CENPE: variants seen among roughly 807,000 people sequenced by gnomAD.
The protein encoded by CENPE is centromere protein E.
Under a neutral mutation model 336.1 loss-of-function variants are expected in CENPE, and 145 were observed. The ratio of observed to expected loss-of-function variants is 0.43; its 90% CI spans 0.38 to 0.50. The LOEUF (loss-of-function observed/expected upper bound fraction) is 0.50. Among genes scored for constraint, CENPE ranks in the 20% least tolerant of loss-of-function variants. The pLI is 0.00. For missense variants in CENPE, 2,719 were observed against 3,023.3 expected (o/e 0.90, Z 2.36); for synonymous variants, 1,013 against 984.8 (o/e 1.03, Z -0.54).
chr4:103,158,966 CA>C, intron 22 of CENPE, 43 bp downstream of exon 22: 1 of 1,534,716 alleles, frequency 6.5e-7, no homozygotes, highest in Non-Finnish European at 8.7e-7. Context: ...ACCAAAACCC[CA>C]GAAGACTAAG....
In CENPE at chr4:103,116,600, T is replaced by C; in HGVS notation, c.7419A>G (p.Lys2473=). Residue 2473 remains lysine, a synonymous_variant, in exon 45 of 49, where the codon AAA becomes AAG. Transcript: ENST00000265148. ...ACTCCTTTTCAAATTCTTTGGCATT[T>C]TTCATTTTCTCTAGGTCTATTTTCA... ...KLVKIDLEKM[K]NAKEFEKEIS... is the part of the protein sequence containing the mutation. 2.6e-6 allele frequency: 4 copies of C among 1,565,694 alleles called. No individual in the cohort carries two copies. Among genetic ancestry groups the C allele is most frequent in the Non-Finnish European group, 3.5e-6 (4 of 1,154,268 alleles).
In CENPE at chr4:103,196,826, G is replaced by A; in HGVS notation, c.81C>T (p.Ala27=). 1 of 1,587,748 alleles carries A rather than the reference G, an allele frequency of 6.3e-7. No individual in the cohort carries two copies. Among genetic ancestry groups the A allele is most frequent in the East Asian group, 2.2e-5 (1 of 44,686 alleles). The change falls in exon 2 of 49, where the codon GCC becomes GCT. Residue 27 remains alanine (A), a synonymous_variant. Transcript: ENST00000265148. ...TATTGTCAGTTTTCCAGTAAACTTG[G>A]GCAGTTTCTCCAAGTGATTCTTCTC... ...NSREESLGET[A]QVYWKTDNNV... is the part of the protein sequence containing the mutation.
chr4:103,114,941 G>A (rs1057298382), intron 45 of CENPE, among the ~76,000 whole-genome samples: 9 of 152,140 alleles, frequency 5.9e-5, no homozygotes, highest in Non-Finnish European at 8.8e-5. Context: ...GTATGGTCAG[G>A]AAAGCAAACC....
intron 44 of CENPE, among the ~76,000 whole-genome samples, chr4:103,118,151 C>T (rs1335205483): frequency 3.9e-5 from 6 of 152,260 alleles, no homozygotes; most frequent in African/African-American, 1.4e-4. Context: ...AACTGCGAAA[C>T]CATCTTCCAA....
intron 9 of CENPE, 69 bp downstream of exon 9, chr4:103,185,741 T>C: frequency 1.1e-6 from 1 of 939,470 alleles, no homozygotes; most frequent in Non-Finnish European, 1.6e-6. Flanking sequence ...TAAAAATGCC[T>C]GGTAGTACTT....
At chr4:103,188,254 A>G (rs894756621) in intron 8 of CENPE, among the ~76,000 whole-genome samples, 1 of 152,222 alleles carries the variant, frequency 6.6e-6, no homozygotes, top group Non-Finnish European at 1.5e-5. Flanking sequence ...AAAGTTAACA[A>G]AGATATCCAG....
At chr4:103,181,313 A>G in intron 12 of CENPE, 24 bp downstream of exon 12, 1 of 1,446,774 alleles carries the variant, frequency 6.9e-7, no homozygotes. Context: ...TTTCAATTTA[A>G]TGAAATAAAT....
chr4:103,115,858 GT>G (rs986205757), intron 45 of CENPE, among the ~76,000 whole-genome samples: 1 of 151,434 alleles, frequency 6.6e-6, no homozygotes, highest in Non-Finnish European at 1.5e-5. Flanking sequence ...AGCCTCCCAA[GT>G]AGCTGGGACT....
intron 39 of CENPE, 84 bp downstream of exon 39, chr4:103,138,267 G>A: frequency 2.3e-6 from 2 of 860,452 alleles, no homozygotes; most frequent in Non-Finnish European, 4.0e-6. Context: ...TTATTCCAGA[G>A]GTTCCTTCAA....
chr4:103,185,260 G>A (rs1441614688), intron 9 of CENPE, among the ~76,000 whole-genome samples: 4 of 150,460 alleles, frequency 2.7e-5, no homozygotes, highest in East Asian at 1.9e-4. Context: ...AGCTGAGATC[G>A]TGCCACTGCA....
intron 38 of CENPE, among the ~76,000 whole-genome samples, chr4:103,139,290 A>G (rs1266786582): frequency 6.6e-6 from 1 of 152,194 alleles, no homozygotes; most frequent in African/African-American, 2.4e-5. Flanking sequence ...TGTTACTTTC[A>G]AAAAGAGGAT....
chr4:103,158,317 C>A lies in CENPE; in HGVS notation c.3016G>T (p.Asp1006Tyr). The A allele has an allele frequency of 6.2e-7, 1 of 1,604,906 alleles. No individual in the cohort carries two copies. Among genetic ancestry groups the A allele is most frequent in the East Asian group, 2.2e-5 (1 of 44,632 alleles). The part of the protein sequence containing the change: ...HMEENTGETK[D>Y]EFQQKMVGID... ...CCCTTTACCTTTTGCTGAAATTCAT[C>A]TTTAGTTTCTCCTGTATTTTCCTCC... Residue 1006 changes from aspartate (D) to tyrosine (Y), a missense_variant, in exon 24 of 49, where the codon GAT (aspartate) becomes TAT (tyrosine). Asp to Tyr is a radical substitution (Grantham distance 160). Around this residue, in one of 5 missense-constraint regions of CENPE, gnomAD observed 2,437 missense variants for 2,513.3 expected, o/e 0.97. Transcript: ENST00000265148.
At chr4:103,161,663 A>G (rs1298296767) in intron 18 of CENPE, among the ~76,000 whole-genome samples, 5 of 152,162 alleles carry the variant, frequency 3.3e-5, no homozygotes, top group Non-Finnish European at 1.5e-5. Context: ...TATATAAGCA[A>G]TATATCAAAT....
At chr4:103,193,101 G>A (rs1422916978) in intron 8 of CENPE, among the ~76,000 whole-genome samples, 4 of 152,058 alleles carry the variant, frequency 2.6e-5, no homozygotes, top group African/African-American at 7.2e-5. Flanking sequence ...GATTCTTAGA[G>A]TAAGTGGGTA....
intron 24 of CENPE, among the ~76,000 whole-genome samples, chr4:103,157,914 A>G (rs1054941824): frequency 3.3e-5 from 5 of 151,958 alleles, no homozygotes; most frequent in Middle Eastern, 3.2e-3. Flanking sequence ...TACTGTTACC[A>G]ATATATCTTA....
chr4:103,171,068 C>T (rs115117234), intron 16 of CENPE, among the ~76,000 whole-genome samples: 1,895 of 151,994 alleles, frequency 0.012, 32 homozygotes, highest in African/African-American at 0.04. Context: ...GACTGCAACA[C>T]AATAATAATA....
intron 9 of CENPE, among the ~76,000 whole-genome samples, chr4:103,184,247 T>G (rs1035020337): frequency 6.6e-6 from 1 of 152,188 alleles, no homozygotes; most frequent in Non-Finnish European, 1.5e-5. Flanking sequence ...GGCTCTACAA[T>G]AGGTTGCAGA....
chr4:103,197,600 T>C (rs1301897454), intron 1 of CENPE, among the ~76,000 whole-genome samples: 1 of 152,250 alleles, frequency 6.6e-6, no homozygotes. Context: ...CACAAAGTGT[T>C]AGCATTTCGG....
intron 39 of CENPE, among the ~76,000 whole-genome samples, chr4:103,137,922 T>TGA (rs1752203404): frequency 6.6e-6 from 1 of 152,156 alleles, no homozygotes; most frequent in Non-Finnish European, 1.5e-5. Flanking sequence ...TAAAACTCAG[T>TGA]CTTTTTTCAT....
Sources: gnomAD v4.1 joint callset for allele counts (sites outside exome capture counted in the v4.1 genomes callset) on GRCh38, gnomAD v4.1.1 for gene constraint, gnomAD v4.1.1 regional missense constraint, MANE v1.5 for transcripts, NCBI Gene and HGNC (gene_info 2026-07-23, HGNC 2026-07-21) for gene names.